SEPTIN9: variants seen among roughly 807,000 people sequenced by gnomAD.
The protein encoded by SEPTIN9 is septin 9.
SEPTIN9 carries 13 observed loss-of-function variants against 56.6 expected under a neutral mutation model. The ratio of observed to expected loss-of-function variants is 0.23; its 90% confidence interval spans 0.15 to 0.37. SEPTIN9 has a LOEUF of 0.37. Among genes scored for constraint, SEPTIN9 ranks in the 10% least tolerant of loss-of-function variants. The pLI is 1.00. For missense variants in SEPTIN9, 650 were observed against 823.1 expected, an observed-to-expected ratio of 0.79 and a Z score of 2.57; for synonymous variants, 332 against 334.1, an observed-to-expected ratio of 0.99 and a Z score of 0.07.
At chr17:77,328,586 G>A (rs1006324928) in intron 2 of SEPTIN9, among the ~76,000 whole-genome samples, 3 of 152,056 alleles carry the variant, frequency 2.0e-5, no homozygotes, top group South Asian at 4.1e-4. Flanking sequence ...GGCTGGTCCC[G>A]ATCTCCTGAC....
rs1568051445 is a variant in SEPTIN9 at position 77,415,647 on chromosome 17, A to AAG, written c.721+12945_721+12946insGA. 6.2e-5 allele frequency among the ~76,000 whole-genome samples: 9 copies of AAG among 145,668 alleles called. 1 individual carries two copies. The highest frequency in any genetic ancestry group is 2.1e-4 in the South Asian group (1 of 4,736). ...TGTCTCAAAAAAAAAAAAAAAAAGA[A>AAG]AAAAAAAGAAATCTCCAGTGCTGCC... On this transcript the variant is annotated intron_variant, in intron 3 of 11. Transcript: ENST00000427177.
chr17:77,467,773 G>A (rs1432613314), intron 3 of SEPTIN9, among the ~76,000 whole-genome samples: 1 of 152,254 alleles, frequency 6.6e-6, no homozygotes, highest in Non-Finnish European at 1.5e-5. Flanking sequence ...TGTTACCGGG[G>A]TAGACGGGAA....
At position 77,402,370 on chromosome 17, in the gene SEPTIN9, T is replaced by C. The variant is rs2035929532; in HGVS notation, c.388T>C (p.Phe130Leu). Residue 130 changes from phenylalanine (F) to leucine (L), a missense_variant, in exon 3 of 12, where the codon TTC (phenylalanine) becomes CTC (leucine). By Grantham distance (22) the Phe-to-Leu change is conservative. Transcript: ENST00000427177. This position sits in a 1 kb window ranked among gnomAD's most constrained non-coding sequence, Gnocchi z 6.6. The stretch of plus-strand genomic sequence containing the variant: ...CGCCGGGGCCATCGGCCCGTCCCGG[T>C]TCGGGCTCAAGAGGGCCGAGGTGTT... The part of the protein sequence containing the change: ...ENAGAIGPSR[F>L]GLKRAEVLGH... 1.2e-6 allele frequency: 2 copies of C among 1,612,222 alleles called. No homozygotes were observed. Among genetic ancestry groups the C allele is most frequent in the South Asian group, 2.2e-5 (2 of 91,000 alleles).
chr17:77,390,346 T>TA (rs200348069), intron 2 of SEPTIN9, among the ~76,000 whole-genome samples: 36,218 of 89,502 alleles, frequency 0.4, 7,809 homozygotes, highest in African/African-American at 0.46. Context: ...GACTCCGTCT[T>TA]AAAAAAAAAA....
intron 2 of SEPTIN9, among the ~76,000 whole-genome samples, chr17:77,338,246 G>A (rs1186700253): frequency 6.6e-6 from 1 of 151,986 alleles, no homozygotes; most frequent in Non-Finnish European, 1.5e-5. Context: ...GTCTATTAAA[G>A]TGTATAAGAT....
Position 77,307,105 on chromosome 17 carries a change from C to A in SEPTIN9, c.20-36C>A, listed in dbSNP as rs762441775. 2.0e-5 allele frequency: 32 copies of A among 1,602,762 alleles called. No homozygotes were observed. The South Asian group carries it at 3.3e-4, about 17-fold the overall frequency. The stretch of plus-strand genomic sequence containing the variant: ...CCACCCGGAGGGAGAGCGCCAGTGG[C>A]CTTGTGTGACCTTTGCCCTTTGTCT... On this transcript the variant is annotated intron_variant, in intron 1 of 11. Transcript: ENST00000427177.
At position 77,310,855 on chromosome 17, in the gene SEPTIN9, G is replaced by A. The variant is rs2032464251; in HGVS notation, c.76+3658G>A. On this transcript the variant is annotated intron_variant, in intron 2 of 11. Transcript: ENST00000427177. This position sits in a 1 kb window ranked among gnomAD's most constrained non-coding sequence, Gnocchi z 4.7. ...ATCCTTGGAGCCAACTCCTCTGCCT[G>A]ACATCCCGTGTCGCTAGGTCCTGCT... is the stretch of plus-strand genomic sequence containing the variant. Among the ~76,000 whole-genome samples the A allele has an allele frequency of 2.0e-5, 3 of 152,142 alleles. No individual in the cohort carries two copies. Among genetic ancestry groups the A allele is most frequent in the African/African-American group, 7.2e-5 (3 of 41,436 alleles).
chr17:77,497,247 G>C (rs1478918521), intron 10 of SEPTIN9, 68 bp from the exon 11 acceptor site: 1 of 1,481,610 alleles, frequency 6.7e-7, no homozygotes, highest in East Asian at 2.3e-5. Context: ...TGGGCAGGGG[G>C]AGAGAGGTGG....
intron 2 of SEPTIN9, among the ~76,000 whole-genome samples, chr17:77,383,898 A>G (rs565852410): frequency 7.9e-5 from 12 of 152,242 alleles, no homozygotes; most frequent in African/African-American, 4.8e-5. Flanking sequence ...CATCTGTGCA[A>G]TGGGGACAAG....
chr17:77,339,300 C>T (rs1273842107), intron 2 of SEPTIN9, among the ~76,000 whole-genome samples: 1 of 152,178 alleles, frequency 6.6e-6, no homozygotes, highest in Non-Finnish European at 1.5e-5. Flanking sequence ...ATGGCAGATA[C>T]TGCTTTATAA....
At position 77,425,563 on chromosome 17, in the gene SEPTIN9, A is replaced by G. The variant is rs1028723801; in HGVS notation, c.721+22860A>G. Among the ~76,000 whole-genome samples, 3 of 152,146 alleles carry G rather than the reference A, an allele frequency of 2.0e-5. No homozygotes were observed. The highest frequency in any genetic ancestry group is 4.4e-5 in the Non-Finnish European group (3 of 68,010). On this transcript the variant is annotated intron_variant, in intron 3 of 11. Transcript: ENST00000427177. This position sits in a 1 kb window ranked among gnomAD's most constrained non-coding sequence, Gnocchi z 4.2. ...AGCTGGCGGGCCTCGCACACCCCCA[A>G]GGCCGCCTGACTTCCAGCCTCCAAG...
At chr17:77,291,303 G>A (rs1185379414) in intron 1 of SEPTIN9, among the ~76,000 whole-genome samples, 1 of 148,586 alleles carries the variant, frequency 6.7e-6, no homozygotes, top group African/African-American at 2.5e-5. Flanking sequence ...CAAAGTGCTG[G>A]GATTACAGGT....
rs2037978252 is a variant in SEPTIN9, at chr17:77,451,677, GA to G, written c.722-30466del. 1 of 522,088 alleles carries G rather than the reference GA, an allele frequency of 1.9e-6. No individual in the cohort carries two copies. The highest frequency in any genetic ancestry group is 1.5e-4 in the East Asian group (1 of 6,666). 32.3% of individuals were successfully genotyped at this position (522,088 alleles called of 1,614,324 possible). A position where few individuals can be genotyped will look rare whatever the true frequency, so the allele number is the denominator to read the frequency against. On this transcript the variant is annotated intron_variant, in intron 3 of 11. Transcript: ENST00000427177. The surrounding 1 kb of genome is among the most constrained non-coding windows in gnomAD (Gnocchi z 4.2). ...GCCCCGGCCCGAGGCCGGCAGGACCGAGCGGGGTCCCCAGGAGAGGGGTGGC... is the reference window on the plus strand; with the variant it reads ...GCCCCGGCCCGAGGCCGGCAGGACCGGCGGGGTCCCCAGGAGAGGGGTGGC...
At chr17:77,356,909 G>C (rs1047315794) in intron 2 of SEPTIN9, among the ~76,000 whole-genome samples, 1 of 150,450 alleles carries the variant, frequency 6.6e-6, no homozygotes, top group Middle Eastern at 3.4e-3. Flanking sequence ...GGAAGGCGCC[G>C]TGGTAGGGGA....
chr17:77,392,229 C>T (rs379465), intron 2 of SEPTIN9, among the ~76,000 whole-genome samples: 44,510 of 152,030 alleles, frequency 0.29, 7,587 homozygotes, highest in East Asian at 0.63. Flanking sequence ...GAAGGACCTC[C>T]GGAGTGCCTG....
chr17:77,448,617 T>C, intron 3 of SEPTIN9, among the ~76,000 whole-genome samples: 1 of 152,122 alleles, frequency 6.6e-6, no homozygotes, highest in East Asian at 1.9e-4. Flanking sequence ...TGAAGTGCAC[T>C]CTGGGTTTCA....
chr17:77,489,358 G>A (rs899810737), intron 7 of SEPTIN9, among the ~76,000 whole-genome samples: 5 of 152,168 alleles, frequency 3.3e-5, no homozygotes, highest in African/African-American at 9.7e-5. Context: ...CTTTCCTCCC[G>A]CCGGCTCTGT....
chr17:77,465,469 C>T lies in SEPTIN9; in HGVS notation c.722-16675C>T, dbSNP rs946222538. ...CCAGCCAGGTGCTGCGAGTCCGTGT[C>T]GCAGCCATTTCTCTGTGCTGTGCTC... On this transcript the variant is annotated intron_variant, in intron 3 of 11. Transcript: ENST00000427177. 1.2e-4 allele frequency among the ~76,000 whole-genome samples: 19 copies of T among 152,264 alleles called. 1 individual carries two copies. Among genetic ancestry groups the T allele is most frequent in the Non-Finnish European group, 2.4e-4 (16 of 68,020 alleles).
Position 77,450,423 on chromosome 17 carries a change from T to C in SEPTIN9, c.722-31721T>C, listed in dbSNP as rs1294764396. 3 of 953,660 alleles carry C rather than the reference T, an allele frequency of 3.1e-6. No homozygotes were observed. Among genetic ancestry groups the C allele is most frequent in the Non-Finnish European group, 3.7e-6 (3 of 800,998 alleles). The allele number at this position is 953,660 out of a possible 1,614,324, so 59.1% of individuals were successfully genotyped here. ...CAGAAGGTGTCACCAAAGGCTTCTT[T>C]CCATTTGAGTGAATCCCTCCCAGCC... is the stretch of plus-strand genomic sequence containing the variant. On this transcript the variant is annotated intron_variant, in intron 3 of 11. Coordinates refer to ENST00000427177, the MANE Select transcript of SEPTIN9 (RefSeq NM_001113491.2). This position sits in a 1 kb window ranked among gnomAD's most constrained non-coding sequence, Gnocchi z 6.0.
Sources: gnomAD v4.1 joint callset for allele counts (sites outside exome capture counted in the v4.1 genomes callset) on GRCh38, gnomAD v4.1.1 for gene constraint, Gnocchi (gnomAD v3.1) non-coding constraint, MANE v1.5 for transcripts, NCBI Gene and HGNC (gene_info 2026-07-23, HGNC 2026-07-21) for gene names.